Variants in PGBD5 observed in about 807,000 individuals in gnomAD.
PGBD5 encodes the protein piggyBac transposable element-derived protein 5.
PGBD5 carries 14 observed loss-of-function variants against 47.9 expected under a neutral mutation model. The observed-to-expected ratio is 0.29, with a 90% confidence interval of 0.19 to 0.46. PGBD5 has a LOEUF of 0.46. Ranked by LOEUF, PGBD5 falls within the 20% of genes least tolerant of loss-of-function variation. PGBD5 has a pLI of 1.00. For synonymous variants in PGBD5, 316 were observed against 306.3 expected (o/e 1.03, Z -0.33); for missense variants, 635 against 716.0 (o/e 0.89, Z 1.29).
intron 1 of PGBD5, among the ~76,000 whole-genome samples, chr1:230,407,757 A>G (rs1344399710): frequency 6.6e-6 from 1 of 152,256 alleles, no homozygotes; most frequent in East Asian, 1.9e-4. Context: ...CTCCATTGAC[A>G]CACTCCTAGT....
rs12089782 is a variant in PGBD5 at position 230,322,578 on chromosome 1, C to T, written c.*847G>A. Reference sequence around the variant, plus strand: ...GCAACCACGTCTGTTCGGAAGCCAGCGGCCCTTCCCGGCCCTGCCACAGGC... The same window carrying T: ...GCAACCACGTCTGTTCGGAAGCCAGTGGCCCTTCCCGGCCCTGCCACAGGC... On this transcript the variant is annotated 3_prime_UTR_variant, in exon 7 of 7. Coordinates refer to ENST00000391860, the MANE Select transcript of PGBD5 (RefSeq NM_001258311.2). This position sits in a 1 kb window ranked among gnomAD's most constrained non-coding sequence, Gnocchi z 5.9. 0.095 allele frequency: 14,569 copies of T among 152,764 alleles called. 1,233 individuals carry two copies. The highest frequency in any genetic ancestry group is 0.23 in the African/African-American group (9,559 of 41,518). 9.5% of individuals were successfully genotyped at this position (152,764 alleles called of 1,614,324 possible). A position where few individuals can be genotyped will look rare whatever the true frequency, so the allele number is the denominator to read the frequency against.
At position 230,317,445 on chromosome 1, in the gene PGBD5, T is replaced by G. The variant is rs891166589; in HGVS notation, c.*5980A>C. The G allele has an allele frequency of 7.9e-5, 12 of 152,320 alleles. No individual in the cohort carries two copies. Among genetic ancestry groups the G allele is most frequent in the African/African-American group, 2.9e-4 (12 of 41,570 alleles). 9.4% of individuals were successfully genotyped at this position (152,320 alleles called of 1,614,324 possible). On this transcript the variant is annotated 3_prime_UTR_variant, in exon 7 of 7. Coordinates refer to ENST00000391860, the MANE Select transcript of PGBD5 (RefSeq NM_001258311.2). ...AGCAAAGGAACCATACAGGGAGACG[T>G]GACCTGCTGGAACAGAAATGCTCCA...
chr1:230,399,483 A>AC (rs754690564), intron 1 of PGBD5, among the ~76,000 whole-genome samples: 28 of 151,584 alleles, frequency 1.8e-4, no homozygotes, highest in Non-Finnish European at 3.5e-4. Flanking sequence ...CTCTTCCAAA[A>AC]CCCTCCCATG....
At chr1:230,328,440 C>A (rs543284535) in intron 5 of PGBD5, among the ~76,000 whole-genome samples, 13 of 152,312 alleles carry the variant, frequency 8.5e-5, no homozygotes, top group South Asian at 2.1e-4. Flanking sequence ...CTGAAAAAGG[C>A]AAGGCAGCTG....
chr1:230,412,736 GAGGAGGAGGA>G (rs1657439111), intron 1 of PGBD5, among the ~76,000 whole-genome samples: 1 of 152,194 alleles, frequency 6.6e-6, no homozygotes. Flanking sequence ...GGCTGAGGAG[GAGGAGGAGGA>G]AGAGGAGTGG....
intron 1 of PGBD5, among the ~76,000 whole-genome samples, chr1:230,416,780 TGG>T (rs1657524026): frequency 6.6e-6 from 1 of 152,154 alleles, no homozygotes; most frequent in East Asian, 1.9e-4. Flanking sequence ...TCGGTTTGGA[TGG>T]GAAGTTACTG....
chr1:230,391,999 AG>A (rs769099170), intron 1 of PGBD5, among the ~76,000 whole-genome samples: 52 of 152,354 alleles, frequency 3.4e-4, no homozygotes, highest in Non-Finnish European at 5.3e-4. Flanking sequence ...GCGGTTAGAA[AG>A]GAACAGAAGA....
chr1:230,385,074 C>T (rs887282954), intron 1 of PGBD5, among the ~76,000 whole-genome samples: 4 of 152,168 alleles, frequency 2.6e-5, no homozygotes, highest in African/African-American at 9.7e-5. Flanking sequence ...CATGAAGAGG[C>T]GTGTATTTTT....
chr1:230,424,811 G>C (rs955716552), intron 1 of PGBD5, among the ~76,000 whole-genome samples: 2 of 152,222 alleles, frequency 1.3e-5, no homozygotes, highest in African/African-American at 4.8e-5. Flanking sequence ...TGCAGAGGAA[G>C]TGGTGATATT....
At chr1:230,415,260 A>C (rs1657489188) in intron 1 of PGBD5, among the ~76,000 whole-genome samples, 1 of 146,562 alleles carries the variant, frequency 6.8e-6, no homozygotes, top group African/African-American at 2.5e-5. Flanking sequence ...GGGTGACAGA[A>C]CGAGACTCTG....
chr1:230,370,727 A>ACTGT (rs1467871954), intron 1 of PGBD5, among the ~76,000 whole-genome samples: 2 of 152,186 alleles, frequency 1.3e-5, no homozygotes, highest in African/African-American at 4.8e-5. Context: ...TGACCACCAC[A>ACTGT]CTGTGGTCTT....
At chr1:230,421,824 G>A (rs957578590) in intron 1 of PGBD5, among the ~76,000 whole-genome samples, 2 of 152,274 alleles carry the variant, frequency 1.3e-5, no homozygotes, top group Non-Finnish European at 2.9e-5. Context: ...GCTAAAGGTA[G>A]GAGCAGCTTC....
intron 1 of PGBD5, among the ~76,000 whole-genome samples, chr1:230,407,700 C>T (rs1657327966): frequency 6.6e-6 from 1 of 152,174 alleles, no homozygotes; most frequent in African/African-American, 2.4e-5. Flanking sequence ...ATCTGAGATG[C>T]AGACAGAAGT....
chr1:230,354,230 C>T (rs1370842979), intron 2 of PGBD5, among the ~76,000 whole-genome samples: 1 of 152,210 alleles, frequency 6.6e-6, no homozygotes, highest in African/African-American at 2.4e-5. Flanking sequence ...GCTGGTGCAA[C>T]AGGCTGCGTG....
In PGBD5 at chr1:230,382,986, C is replaced by T. The variant is rs547918338; in HGVS notation, c.332-25665G>A. On this transcript the variant is annotated intron_variant, in intron 1 of 6. Coordinates refer to ENST00000391860, the MANE Select transcript of PGBD5 (RefSeq NM_001258311.2). ...ACTAGAATTTGGTGGGGCAGCTGTC[C>T]GGGCAATGGTTCTCTGCCATCTCGC... Among the ~76,000 whole-genome samples the T allele has an allele frequency of 1.4e-4, 21 of 152,256 alleles. 1 individual carries two copies. In the South Asian group the frequency reaches 2.1e-3, roughly 15 times the overall value.
intron 1 of PGBD5, among the ~76,000 whole-genome samples, chr1:230,420,882 TA>T (rs1335624371): frequency 1.3e-5 from 2 of 152,140 alleles, no homozygotes; most frequent in Non-Finnish European, 2.9e-5. Flanking sequence ...TCACAGTCCT[TA>T]AAAACAAAGG....
chr1:230,404,883 C>T (rs1417243505), intron 1 of PGBD5, among the ~76,000 whole-genome samples: 1 of 144,096 alleles, frequency 6.9e-6, no homozygotes, highest in Non-Finnish European at 1.5e-5. Flanking sequence ...CAAGATTGTG[C>T]CATTGCACTC....
intron 1 of PGBD5, among the ~76,000 whole-genome samples, chr1:230,365,275 T>C (rs1558200811): frequency 2.0e-5 from 3 of 149,248 alleles, no homozygotes. Context: ...ATCATGCCAC[T>C]GTACTCCAGC....
In PGBD5 at chr1:230,425,991, T is replaced by A; in HGVS notation, c.-63A>T. On this transcript the variant is annotated 5_prime_UTR_variant, in exon 1 of 7. Coordinates refer to ENST00000391860, the MANE Select transcript of PGBD5 (RefSeq NM_001258311.2). This position sits in a 1 kb window ranked among gnomAD's most constrained non-coding sequence, Gnocchi z 4.7. ...CCTCCCAGCCGCACACGCCGGGCCC[T>A]GGGCCCGCGCCGCGGCCCGCCGCCC... is the stretch of plus-strand genomic sequence containing the variant. 10 of 788,520 alleles carry A rather than the reference T, an allele frequency of 1.3e-5. No homozygotes were observed. The highest frequency in any genetic ancestry group is 1.5e-5 in the Non-Finnish European group (10 of 659,254). The allele number at this position is 788,520 out of a possible 1,614,324, so 48.8% of individuals were successfully genotyped here. A position where few individuals can be genotyped will look rare whatever the true frequency, so the allele number is the denominator to read the frequency against.
Sources: gnomAD v4.1 joint callset for allele counts (sites outside exome capture counted in the v4.1 genomes callset) on GRCh38, gnomAD v4.1.1 for gene constraint, Gnocchi (gnomAD v3.1) non-coding constraint, MANE v1.5 for transcripts, NCBI Gene and HGNC (gene_info 2026-07-23, HGNC 2026-07-21) for gene names.